The following VWA8 variants were observed in gnomAD, a reference collection of about 807,000 sequenced individuals.
VWA8 encodes von Willebrand factor A domain containing 8.
In VWA8, 221 loss-of-function variants were observed where a neutral mutation model predicts 241.5. The ratio of observed to expected loss-of-function variants is 0.91; its 90% CI spans 0.82 to 1.02. VWA8 has a LOEUF of 1.02. Ranked by LOEUF, VWA8 falls within the 50% of genes least tolerant of loss-of-function variation. The probability of loss-of-function intolerance (pLI) is 0.00; values close to 1 mark genes in which losing one functional copy is unlikely to be tolerated. For synonymous variants in VWA8, 852 were observed against 827.1 expected, an observed-to-expected ratio of 1.03 and a Z score of -0.52; for missense variants, 2,322 against 2,328.7, an observed-to-expected ratio of 1.00 and a Z score of 0.06.
At chr13:41,912,010 T>G (rs758728528) in intron 3 of VWA8, 28 bp downstream of exon 3, 13 of 1,529,276 alleles carry the variant, frequency 8.5e-6, no homozygotes, top group Middle Eastern at 3.5e-4. Flanking sequence ...TTAAGACCCT[T>G]AGAAATTGAC....
At chr13:41,577,973 G>C (rs2044360946) in intron 42 of VWA8, among the ~76,000 whole-genome samples, 1 of 152,164 alleles carries the variant, frequency 6.6e-6, no homozygotes, top group Admixed American at 6.5e-5. Flanking sequence ...GATACTGGCT[G>C]ATTAAAACCT....
intron 40 of VWA8, among the ~76,000 whole-genome samples, chr13:41,597,847 A>G (rs2044498333): frequency 6.7e-6 from 1 of 149,694 alleles, no homozygotes; most frequent in East Asian, 2.0e-4. Context: ...CAGGCCCCAC[A>G]CTGAGGAGTC....
intron 35 of VWA8, among the ~76,000 whole-genome samples, chr13:41,683,974 C>T (rs548174015): frequency 6.5e-4 from 99 of 152,102 alleles, no homozygotes; most frequent in Non-Finnish European, 1.1e-3. Context: ...ATGGAGTACC[C>T]CTTTCCTGGA....
chr13:41,881,986 G>A (rs1240222911), intron 9 of VWA8, among the ~76,000 whole-genome samples: 2 of 151,266 alleles, frequency 1.3e-5, no homozygotes, highest in African/African-American at 2.4e-5. Context: ...TGCCGGGACG[G>A]AGGGGCTCCT....
At chr13:41,874,047 T>C (rs1038346379) in intron 9 of VWA8, among the ~76,000 whole-genome samples, 4 of 151,962 alleles carry the variant, frequency 2.6e-5, no homozygotes, top group Non-Finnish European at 4.4e-5. Flanking sequence ...AATCAATAAA[T>C]GTAATCCAGC....
At chr13:41,634,708 GA>G (rs34688799) in intron 37 of VWA8, among the ~76,000 whole-genome samples, 10 of 144,812 alleles carry the variant, frequency 6.9e-5, no homozygotes, top group East Asian at 2.0e-4. Flanking sequence ...TCTTCAAAGT[GA>G]AAAAAAAAAC....
chr13:41,701,663 G>GACAGGCTTAGT, intron 27 of VWA8, 133 bp from the exon 28 acceptor site: 1 of 794,348 alleles, frequency 1.3e-6, no homozygotes, highest in Non-Finnish European at 1.8e-6. Flanking sequence ...TCAATTTATT[G>GACAGGCTTAGT]ACAGGCTTAG....
intron 24 of VWA8, among the ~76,000 whole-genome samples, chr13:41,724,094 T>C (rs1258013343): frequency 6.6e-6 from 1 of 152,170 alleles, no homozygotes; most frequent in African/African-American, 2.4e-5. Flanking sequence ...CTATATACTA[T>C]ATTAAATACT....
intron 27 of VWA8, 42 bp downstream of exon 27, chr13:41,703,261 A>G (rs977609933): frequency 6.6e-7 from 1 of 1,524,674 alleles, no homozygotes; most frequent in Non-Finnish European, 9.1e-7. Context: ...AGCAAAATTT[A>G]TAAGGTTCAA....
In VWA8 at chr13:41,833,423, G is replaced by A. The variant is rs1871565695; in HGVS notation, c.1534C>T (p.Leu512=). ...VNAALEGKLV[L]LDGIHRVNAG... is the part of the protein sequence containing the mutation. The stretch of plus-strand genomic sequence containing the variant: ...TTCACCCGGTGAATGCCATCCAGCA[G>A]GACCAGCTTGCCTTCCAGAGCAGCA... Residue 512 remains leucine, a synonymous_variant, in exon 13 of 45, where the codon CTG becomes TTG. Transcript: ENST00000379310. The A allele has an allele frequency of 1.2e-6, 2 of 1,613,856 alleles. No homozygotes were observed. Among genetic ancestry groups the A allele is most frequent in the Non-Finnish European group, 1.7e-6 (2 of 1,179,970 alleles).
At chr13:41,580,978 CTATTTTATTTTATTT>C (rs562896724) in intron 42 of VWA8, among the ~76,000 whole-genome samples, 4,891 of 129,614 alleles carry the variant, frequency 0.038, 644 homozygotes, top group Admixed American at 0.091. Flanking sequence ...AGTGAGTCAT[CTATTTTATTTTATTT>C]TATTTTATTT....
chr13:41,842,360 CCT>C (rs1238910714), intron 12 of VWA8, among the ~76,000 whole-genome samples: 1 of 152,158 alleles, frequency 6.6e-6, no homozygotes, highest in Non-Finnish European at 1.5e-5. Flanking sequence ...CCCTCAAGTT[CCT>C]CTTTTAAAGA....
rs765343533 is a variant in VWA8 at position 41,575,774 on chromosome 13, G to A, written c.5336C>T (p.Pro1779Leu). ...TTCTAGTCTTTGCTTATTGTCCTTG[G>A]GGATTTTGTTCATTGGAACCAGACC... ...NIGLVPMNKI[P>L]KDNKQRLEIL... The change falls in exon 43 of 45, where the codon CCC (proline) becomes CTC (leucine). Residue 1779 changes from proline (P) to leucine (L), a missense_variant. Coordinates refer to ENST00000379310, the MANE Select transcript of VWA8 (RefSeq NM_015058.2). The A allele has an allele frequency of 6.2e-7, 1 of 1,613,222 alleles. No individual in the cohort carries two copies. Among genetic ancestry groups the A allele is most frequent in the Non-Finnish European group, 8.5e-7 (1 of 1,179,810 alleles).
intron 14 of VWA8, among the ~76,000 whole-genome samples, chr13:41,827,809 G>C (rs544765865): frequency 6.6e-6 from 1 of 152,290 alleles, no homozygotes; most frequent in Admixed American, 6.5e-5. Flanking sequence ...ATTTTCATTT[G>C]TAAAACTGCC....
intron 20 of VWA8, among the ~76,000 whole-genome samples, chr13:41,763,308 A>AATAAATAGATAGATAGATAG (rs1555332023): frequency 1.4e-5 from 2 of 145,888 alleles, no homozygotes; most frequent in Non-Finnish European, 3.1e-5. Context: ...TAAATAAATA[A>AATAAATAGATAGATAGATAG]ATAGATAGAT....
intron 17 of VWA8, among the ~76,000 whole-genome samples, chr13:41,805,729 G>A (rs542611757): frequency 5.9e-5 from 9 of 152,134 alleles, no homozygotes; most frequent in South Asian, 2.1e-4. Context: ...CAGGAGAATC[G>A]CTTGAACCTG....
chr13:41,580,168 A>G (rs962909272), intron 42 of VWA8, among the ~76,000 whole-genome samples: 7 of 152,068 alleles, frequency 4.6e-5, no homozygotes, highest in Admixed American at 1.3e-4. Context: ...TGTTTTTACT[A>G]CAGAGAAATA....
intron 42 of VWA8, among the ~76,000 whole-genome samples, chr13:41,576,794 A>G (rs1429337913): frequency 6.6e-6 from 1 of 152,260 alleles, no homozygotes; most frequent in African/African-American, 2.4e-5. Context: ...CCAAATTTCA[A>G]ATACTTGGGT....
At chr13:41,732,180 T>C (rs1484475199) in intron 21 of VWA8, 25 bp from the exon 22 acceptor site, 2 of 1,596,312 alleles carry the variant, frequency 1.3e-6, no homozygotes, top group Admixed American at 1.7e-5. Flanking sequence ...ACACATTTTA[T>C]AGTTAGGAAG....
Sources: gnomAD v4.1 joint callset for allele counts (sites outside exome capture counted in the v4.1 genomes callset) on GRCh38, gnomAD v4.1.1 for gene constraint, MANE v1.5 for transcripts, NCBI Gene and HGNC (gene_info 2026-07-23, HGNC 2026-07-21) for gene names.